The following CPAP variants were observed in gnomAD, a reference collection of about 807,000 sequenced individuals.
CPAP encodes the protein centrosome assembly and centriole elongation protein.
chr13:24,905,723 C>T, the CPAP span: 6 of 1,614,072 alleles, frequency 3.7e-6, no homozygotes, highest in Non-Finnish European at 5.1e-6. Context: ...ATGTTTTATG[C>T]TTTCCATGAT....
chr13:24,901,565 T>G, the CPAP span, among the ~76,000 whole-genome samples: 1 of 152,244 alleles, frequency 6.6e-6, no homozygotes, highest in Non-Finnish European at 1.5e-5. Flanking sequence ...GAATAATTTC[T>G]AATGTGGAAA....
At chr13:24,884,175 G>C in the CPAP span, 1 of 1,614,016 alleles carries the variant, frequency 6.2e-7, no homozygotes, top group South Asian at 1.1e-5. Context: ...TTGTCCACTT[G>C]AGAAATGTAA....
chr13:24,908,667 GT>G, the CPAP span, among the ~76,000 whole-genome samples: 1 of 151,974 alleles, frequency 6.6e-6, no homozygotes, highest in South Asian at 2.1e-4. Context: ...AAAGTGTGGG[GT>G]TTTCTAGAGA....
chr13:24,887,326 T>C, the CPAP span, among the ~76,000 whole-genome samples: 1 of 152,154 alleles, frequency 6.6e-6, no homozygotes, highest in African/African-American at 2.4e-5. Context: ...CTGTGGCCTG[T>C]AGGAACTGGG....
the CPAP span, among the ~76,000 whole-genome samples, chr13:24,917,110 G>C: frequency 0.83 from 126,739 of 152,036 alleles, 52,879 homozygotes; most frequent in South Asian, 0.88. Context: ...ATTAGCCGGG[G>C]GTGGTGGCGG....
chr13:24,885,071 G>A, the CPAP span, among the ~76,000 whole-genome samples: 1 of 152,006 alleles, frequency 6.6e-6, no homozygotes, highest in Non-Finnish European at 1.5e-5. Context: ...AAGCTTTTAA[G>A]AAGTGCCAAG....
chr13:24,912,484 G>T, the CPAP span: 2 of 1,045,546 alleles, frequency 1.9e-6, no homozygotes, highest in Non-Finnish European at 2.9e-6. Flanking sequence ...ATTTCAGAGT[G>T]AAGGGGAAAA....
At chr13:24,928,138 A>G in the CPAP span, among the ~76,000 whole-genome samples, 2 of 152,126 alleles carry the variant, frequency 1.3e-5, no homozygotes, top group Non-Finnish European at 2.9e-5. Context: ...GTTCAAGACT[A>G]CTCACTCTTC....
At chr13:24,899,518 C>T in the CPAP span, 1 of 1,613,836 alleles carries the variant, frequency 6.2e-7, no homozygotes, top group Non-Finnish European at 8.5e-7. Flanking sequence ...TCATCTCCTC[C>T]TTTTTAAACT....
chr13:24,909,233 A>G, the CPAP span, among the ~76,000 whole-genome samples: 1 of 152,178 alleles, frequency 6.6e-6, no homozygotes, highest in African/African-American at 2.4e-5. Flanking sequence ...TAAATTAGGA[A>G]CAAGGCATTA....
At chr13:24,883,280 A>G in the CPAP span, 1 of 1,614,026 alleles carries the variant, frequency 6.2e-7, no homozygotes, top group Non-Finnish European at 8.5e-7. Context: ...TACGGTTTTA[A>G]CAGTGCCATC....
the CPAP span, among the ~76,000 whole-genome samples, chr13:24,911,089 C>T: frequency 6.6e-6 from 1 of 152,118 alleles, no homozygotes; most frequent in Admixed American, 6.5e-5. Context: ...TTTTTTCAAA[C>T]TATGGGACAC....
At chr13:24,900,744 C>T in the CPAP span, among the ~76,000 whole-genome samples, 1 of 152,058 alleles carries the variant, frequency 6.6e-6, no homozygotes, top group Admixed American at 6.5e-5. Flanking sequence ...GAGAGACCTG[C>T]TAGGAAGTGA....
At chr13:24,895,071 G>T in the CPAP span, among the ~76,000 whole-genome samples, 1 of 152,260 alleles carries the variant, frequency 6.6e-6, no homozygotes, top group African/African-American at 2.4e-5. Flanking sequence ...GGCAGAGGCG[G>T]CTGCCAGGTC....
the CPAP span, among the ~76,000 whole-genome samples, chr13:24,894,904 G>A: frequency 4.6e-5 from 7 of 152,286 alleles, no homozygotes; most frequent in East Asian, 1.4e-3. Flanking sequence ...CAGACAGACG[G>A]GAGAGGAGCC....
chr13:24,906,594 C>T, the CPAP span: 3 of 1,614,250 alleles, frequency 1.9e-6, no homozygotes, highest in Non-Finnish European at 2.5e-6. Context: ...AACTGCCCAT[C>T]ACATTTCTTC....
chr13:24,898,965 T>C, the CPAP span, among the ~76,000 whole-genome samples: 7 of 152,206 alleles, frequency 4.6e-5, no homozygotes, highest in African/African-American at 1.7e-4. Flanking sequence ...AGGTTTATAG[T>C]TTTAGCATGT....
chr13:24,904,300 A>T, the CPAP span, among the ~76,000 whole-genome samples: 1 of 152,228 alleles, frequency 6.6e-6, no homozygotes, highest in Non-Finnish European at 1.5e-5. Flanking sequence ...CAAGGAATCA[A>T]CATGATACAT....
chr13:24,910,590 C>A, the CPAP span, among the ~76,000 whole-genome samples: 1 of 152,144 alleles, frequency 6.6e-6, no homozygotes, highest in Non-Finnish European at 1.5e-5. Context: ...TTCTTTGGGG[C>A]TCTCAAATAT....
Sources: allele counts gnomAD v4.1 joint callset (sites outside exome capture counted in the v4.1 genomes callset), GRCh38; gene constraint gnomAD v4.1.1; transcripts MANE v1.5; gene names NCBI Gene and HGNC (gene_info 2026-07-23, HGNC 2026-07-21).